The following SELENOF variants were observed in gnomAD, a reference collection of about 807,000 sequenced individuals.
SELENOF encodes selenoprotein F.
SELENOF carries 16 observed loss-of-function variants against 20.5 expected under a neutral mutation model. That is an observed-to-expected ratio of 0.78 (90% CI 0.53 to 1.19). The LOEUF (loss-of-function observed/expected upper bound fraction) is 1.19, where lower values mean the gene tolerates loss of function less well. Among genes scored for constraint, SELENOF ranks in the 50% most tolerant of loss-of-function variants. SELENOF has a pLI of 0.00. For missense variants in SELENOF, 215 were observed against 194.2 expected (o/e 1.11, Z -0.64); for synonymous variants, 78 against 74.5 (o/e 1.05, Z -0.24).
In SELENOF at chr1:86,894,255, T is replaced by C. The variant is rs182652595; in HGVS notation, c.252+9026A>G. On this transcript the variant is annotated intron_variant, in intron 2 of 4. Coordinates refer to ENST00000331835, the MANE Select transcript of SELENOF (RefSeq NM_004261.5). ...GCCTTTGAAATCTGTTACCAGGTGA[T>C]AGGTTACACATATAAATAAGAGAAG... Among the ~76,000 whole-genome samples, 33 of 151,868 alleles carry C rather than the reference T, an allele frequency of 2.2e-4. No homozygotes were observed. The South Asian group carries it at 5.2e-3, about 24-fold the overall frequency.
At position 86,903,465 on chromosome 1, in the gene SELENOF, G is replaced by T; in HGVS notation, c.85-17C>A. The T allele has an allele frequency of 6.4e-7, 1 of 1,571,816 alleles. No individual in the cohort carries two copies. On this transcript the variant is annotated splice_polypyrimidine_tract_variant and intron_variant, in intron 1 of 4. Coordinates refer to ENST00000331835, the MANE Select transcript of SELENOF (RefSeq NM_004261.5). ...AGCAGACACCTGAAAATAAAAAATG[G>T]GAAATAAAACACAATTCCATATTTA... is the stretch of plus-strand genomic sequence containing the variant.
intron 1 of SELENOF, among the ~76,000 whole-genome samples, chr1:86,913,549 G>C (rs1570414067): frequency 6.6e-6 from 1 of 152,322 alleles, no homozygotes; most frequent in African/African-American, 2.4e-5. Context: ...TAGCAGAGGA[G>C]AACGGAAGTT....
intron 3 of SELENOF, among the ~76,000 whole-genome samples, chr1:86,873,077 AAATAAATAAAT>A (rs1658824631): frequency 2.0e-5 from 3 of 148,580 alleles, no homozygotes; most frequent in Non-Finnish European, 3.0e-5. Flanking sequence ...ATAAATAAAT[AAATAAATAAAT>A]AAATAAAATA....
chr1:86,888,863 T>C (rs892126204), intron 2 of SELENOF, among the ~76,000 whole-genome samples: 1 of 152,110 alleles, frequency 6.6e-6, no homozygotes, highest in African/African-American at 2.4e-5. Context: ...GCCAGGCTAG[T>C]CTTGAAATCC....
At chr1:86,869,555 A>G (rs1208560548) in intron 3 of SELENOF, among the ~76,000 whole-genome samples, 2 of 152,200 alleles carry the variant, frequency 1.3e-5, no homozygotes, top group African/African-American at 4.8e-5. Context: ...TATTATTTTA[A>G]TAGAGGCCTA....
At chr1:86,883,344 C>T (rs1443663961) in intron 2 of SELENOF, among the ~76,000 whole-genome samples, 5 of 152,026 alleles carry the variant, frequency 3.3e-5, no homozygotes, top group Admixed American at 6.6e-5. Flanking sequence ...GGGAAGACTC[C>T]GGAGAAAGAT....
intron 3 of SELENOF, among the ~76,000 whole-genome samples, chr1:86,877,249 T>C (rs891363890): frequency 1.3e-5 from 2 of 152,200 alleles, no homozygotes; most frequent in Admixed American, 6.5e-5. Context: ...AACAGCCCTA[T>C]AAGGTAGATA....
intron 2 of SELENOF, among the ~76,000 whole-genome samples, chr1:86,888,960 A>T (rs1482323576): frequency 6.6e-6 from 1 of 152,256 alleles, no homozygotes; most frequent in Non-Finnish European, 1.5e-5. Context: ...TTTAAGAAAG[A>T]TTATAAATAT....
intron 2 of SELENOF, among the ~76,000 whole-genome samples, chr1:86,883,465 AGTGT>A (rs926571229): frequency 1.3e-5 from 2 of 151,604 alleles, no homozygotes; most frequent in African/African-American, 2.4e-5. Context: ...AATAGTGTAT[AGTGT>A]ATGTACACTA....
intron 2 of SELENOF, among the ~76,000 whole-genome samples, chr1:86,899,734 G>T (rs1297526120): frequency 6.6e-6 from 1 of 150,932 alleles, no homozygotes; most frequent in Non-Finnish European, 1.5e-5. Flanking sequence ...GGGCGGAGAC[G>T]CTCCTCACTT....
At position 86,898,654 on chromosome 1, in the gene SELENOF, T is replaced by C. The variant is rs199729427; in HGVS notation, c.252+4627A>G. Among the ~76,000 whole-genome samples, 12 of 150,808 alleles carry C rather than the reference T, an allele frequency of 8.0e-5. No individual in the cohort carries two copies. In the East Asian group the frequency reaches 2.4e-3, roughly 30 times the overall value. On this transcript the variant is annotated intron_variant, in intron 2 of 4. Coordinates refer to ENST00000331835, the MANE Select transcript of SELENOF (RefSeq NM_004261.5). ...TGGAGTGCAGTGGTGCGATCTCGGC[T>C]CACAGCAACCTCTGCTTCACGGGTT...
chr1:86,907,753 G>A (rs768392483), intron 1 of SELENOF, among the ~76,000 whole-genome samples: 2 of 152,104 alleles, frequency 1.3e-5, no homozygotes, highest in African/African-American at 4.8e-5. Context: ...GTAGGCCAAG[G>A]TGGGTGGATC....
chr1:86,887,989 G>A (rs536311068), intron 2 of SELENOF, among the ~76,000 whole-genome samples: 5 of 152,220 alleles, frequency 3.3e-5, no homozygotes, highest in African/African-American at 9.6e-5. Flanking sequence ...GGCCAGGCGC[G>A]GTGGCTCACA....
intron 1 of SELENOF, among the ~76,000 whole-genome samples, chr1:86,909,244 T>G (rs776477407): frequency 6.6e-6 from 1 of 152,252 alleles, no homozygotes; most frequent in African/African-American, 2.4e-5. Context: ...TTCTTACTGT[T>G]TTTTCAACAA....
At chr1:86,865,004 A>G (rs1658555988) in intron 4 of SELENOF, among the ~76,000 whole-genome samples, 1 of 152,060 alleles carries the variant, frequency 6.6e-6, no homozygotes, top group Non-Finnish European at 1.5e-5. Flanking sequence ...CCAATATTTA[A>G]AAATGTTTAT....
intron 3 of SELENOF, among the ~76,000 whole-genome samples, chr1:86,875,135 G>T (rs376024487): frequency 2.6e-5 from 4 of 152,126 alleles, no homozygotes; most frequent in Non-Finnish European, 4.4e-5. Flanking sequence ...CAGCTACTTG[G>T]GAGGCTGAGG....
rs1174657830 is a variant in SELENOF at position 86,914,096 on chromosome 1, C to T, written c.16G>A (p.Ala6Thr). MVAMA[A>T]GPSGCLVPAF... is the part of the protein sequence containing the mutation. ...GGCACCAGACACCCACTCGGCCCAGCCGCCATCGCTACCATTTTCCGCAGG... is the reference window on the plus strand; with the variant it reads ...GGCACCAGACACCCACTCGGCCCAGTCGCCATCGCTACCATTTTCCGCAGG... The change falls in exon 1 of 5, where the codon GCT (alanine) becomes ACT (threonine). Residue 6 changes from alanine (A) to threonine (T), a missense_variant. Transcript: ENST00000331835. 1.2e-6 allele frequency: 2 copies of T among 1,613,992 alleles called. No homozygotes were observed. The highest frequency in any genetic ancestry group is 8.5e-7 in the Non-Finnish European group (1 of 1,179,894).
At position 86,879,590 on chromosome 1, in the gene SELENOF, T is replaced by C. The variant is rs529297108; in HGVS notation, c.316+1072A>G. ...AAAAATTCTCTTGCCATTAACTAAA[T>C]AAGGCAAGAAATCACGGGAATGTCA... On this transcript the variant is annotated intron_variant, in intron 3 of 4. Coordinates refer to ENST00000331835, the MANE Select transcript of SELENOF (RefSeq NM_004261.5). Among the ~76,000 whole-genome samples the C allele has an allele frequency of 6.8e-4, 103 of 152,180 alleles. 1 individual carries two copies. Among genetic ancestry groups the C allele is most frequent in the African/African-American group, 2.3e-3 (96 of 41,520 alleles).
intron 2 of SELENOF, among the ~76,000 whole-genome samples, chr1:86,892,797 A>G (rs971531028): frequency 6.6e-6 from 1 of 152,238 alleles, no homozygotes; most frequent in South Asian, 2.1e-4. Flanking sequence ...AGGAGCCATT[A>G]AAGTCTGTGG....
Sources: gnomAD v4.1 joint callset for allele counts (sites outside exome capture counted in the v4.1 genomes callset) on GRCh38, gnomAD v4.1.1 for gene constraint, MANE v1.5 for transcripts, NCBI Gene and HGNC (gene_info 2026-07-23, HGNC 2026-07-21) for gene names.